PCDH15: variants seen among roughly 807,000 people sequenced by gnomAD.
PCDH15 encodes protocadherin related 15.
In PCDH15, 129 loss-of-function variants were observed where a neutral mutation model predicts 178.5. The ratio of observed to expected loss-of-function variants is 0.72; its 90% CI spans 0.63 to 0.84. PCDH15 has a LOEUF of 0.84. Among genes scored for constraint, PCDH15 ranks in the 40% least tolerant of loss-of-function variants. The pLI is 0.00. For missense variants in PCDH15, 2,230 were observed against 2,099.9 expected (o/e 1.06, Z -1.21); for synonymous variants, 800 against 732.0 (o/e 1.09, Z -1.50).
At chr10:54,278,549 A>G (rs1310451995) in intron 8 of PCDH15, among the ~76,000 whole-genome samples, 1 of 151,608 alleles carries the variant, frequency 6.6e-6, no homozygotes, top group Non-Finnish European at 1.5e-5. Flanking sequence ...TTAGCAGTCC[A>G]AGAGATCATG....
chr10:55,284,131 T>A (rs115483604), intron 1 of PCDH15, among the ~76,000 whole-genome samples: 2,472 of 152,026 alleles, frequency 0.016, 64 homozygotes, highest in African/African-American at 0.056. Context: ...CTGCTGTCTA[T>A]GGTTTTCTAA....
At chr10:54,982,203 C>G (rs1839251862) in intron 2 of PCDH15, among the ~76,000 whole-genome samples, 1 of 152,106 alleles carries the variant, frequency 6.6e-6, no homozygotes, top group Admixed American at 6.6e-5. Flanking sequence ...TGATAATAAT[C>G]TTGAACATTA....
At chr10:53,984,429 C>T (rs1465999130) in intron 21 of PCDH15, among the ~76,000 whole-genome samples, 2 of 152,040 alleles carry the variant, frequency 1.3e-5, no homozygotes, top group African/African-American at 2.4e-5. Flanking sequence ...GGATTACAGG[C>T]GTGAGCCACC....
intron 1 of PCDH15, among the ~76,000 whole-genome samples, chr10:55,241,960 G>C (rs543519967): frequency 6.6e-6 from 1 of 152,262 alleles, no homozygotes; most frequent in African/African-American, 2.4e-5. Context: ...CTCTGCATGA[G>C]AGTGAAGTGA....
chr10:54,033,474 T>C (rs1436992755), intron 18 of PCDH15, among the ~76,000 whole-genome samples: 1 of 151,958 alleles, frequency 6.6e-6, no homozygotes, highest in African/African-American at 2.4e-5. Flanking sequence ...CCTCTGTAAC[T>C]TCCTTATATA....
chr10:54,586,716 G>A (rs540239028), intron 2 of PCDH15, among the ~76,000 whole-genome samples: 1 of 152,056 alleles, frequency 6.6e-6, no homozygotes, highest in Non-Finnish European at 1.5e-5. Flanking sequence ...AGTTAGACCA[G>A]TTACCCAGCT....
chr10:55,061,520 C>T (rs1030251350), intron 2 of PCDH15, among the ~76,000 whole-genome samples: 7 of 152,170 alleles, frequency 4.6e-5, no homozygotes, highest in African/African-American at 1.7e-4. Context: ...AAACAGCCTT[C>T]ACCGTATGAT....
intron 7 of PCDH15, among the ~76,000 whole-genome samples, chr10:54,321,287 C>A (rs1289679407): frequency 6.7e-6 from 1 of 150,356 alleles, no homozygotes; most frequent in African/African-American, 2.4e-5. Context: ...CCTCAGCCTT[C>A]TGAGTAGCTA....
intron 1 of PCDH15, among the ~76,000 whole-genome samples, chr10:54,767,490 A>C (rs141689527): frequency 2.0e-5 from 3 of 152,248 alleles, no homozygotes; most frequent in African/African-American, 7.2e-5. Context: ...AAATCCTTAC[A>C]TCTTAAGTGT....
At chr10:54,160,929 G>C (rs1273885735) in intron 13 of PCDH15, among the ~76,000 whole-genome samples, 1 of 152,020 alleles carries the variant, frequency 6.6e-6, no homozygotes, top group Admixed American at 6.6e-5. Context: ...TGGTAAAATG[G>C]TACAAGCCAC....
At chr10:55,457,598 C>A (rs573544592) in intron 2 of PCDH15, among the ~76,000 whole-genome samples, 1 of 152,104 alleles carries the variant, frequency 6.6e-6, no homozygotes, top group South Asian at 2.1e-4. Context: ...GGAGAGAAAA[C>A]AATTAATTAG....
chr10:54,693,651 A>G (rs2095168908), intron 1 of PCDH15, among the ~76,000 whole-genome samples: 1 of 152,158 alleles, frequency 6.6e-6, no homozygotes, highest in African/African-American at 2.4e-5. Context: ...TTTTTCTATC[A>G]CACCTTTCCC....
intron 1 of PCDH15, among the ~76,000 whole-genome samples, chr10:54,782,281 G>T (rs892311722): frequency 1.3e-5 from 2 of 152,056 alleles, no homozygotes; most frequent in Non-Finnish European, 2.9e-5. Context: ...TTAAGTTCCA[G>T]TTCTGACTCC....
chr10:54,912,959 G>A (rs1358233941), intron 2 of PCDH15, among the ~76,000 whole-genome samples: 2 of 152,050 alleles, frequency 1.3e-5, no homozygotes, highest in Non-Finnish European at 2.9e-5. Context: ...CTCAAGATGT[G>A]ACCTGGCTGC....
intron 11 of PCDH15, among the ~76,000 whole-genome samples, chr10:54,188,419 T>C (rs1459852840): frequency 6.6e-6 from 1 of 151,842 alleles, no homozygotes; most frequent in Non-Finnish European, 1.5e-5. Context: ...TGTCTATAAG[T>C]TTATTTAAAA....
intron 2 of PCDH15, among the ~76,000 whole-genome samples, chr10:55,519,285 T>TAAAAAA (rs34476517): frequency 7.5e-6 from 1 of 134,178 alleles, no homozygotes; most frequent in African/African-American, 2.8e-5. Flanking sequence ...ATGCTGAGTG[T>TAAAAAA]AAAAAAAAAA....
chr10:55,205,384 C>A (rs1240950577), intron 1 of PCDH15, among the ~76,000 whole-genome samples: 5 of 151,804 alleles, frequency 3.3e-5, no homozygotes, highest in African/African-American at 1.2e-4. Context: ...TCAGTAATAA[C>A]AATGATAGCA....
chr10:53,858,004 C>A (rs1042453135), intron 27 of PCDH15, among the ~76,000 whole-genome samples: 2 of 151,592 alleles, frequency 1.3e-5, no homozygotes, highest in South Asian at 2.1e-4. Context: ...AATATCATTT[C>A]GATTTTAAAA....
At chr10:54,618,778 G>A (rs1477536803) in intron 2 of PCDH15, among the ~76,000 whole-genome samples, 1 of 151,858 alleles carries the variant, frequency 6.6e-6, no homozygotes, top group Non-Finnish European at 1.5e-5. Flanking sequence ...AAAAGTATGT[G>A]CCTTAACAAA....
Sources: allele counts gnomAD v4.1 joint callset (sites outside exome capture counted in the v4.1 genomes callset), GRCh38; gene constraint gnomAD v4.1.1; transcripts MANE v1.5; gene names NCBI Gene and HGNC (gene_info 2026-07-23, HGNC 2026-07-21).